The following CNTN4 variants were observed in gnomAD, a reference collection of about 807,000 sequenced individuals.
CNTN4 encodes contactin 4.
CNTN4 carries 77 observed loss-of-function variants against 122.5 expected under a neutral mutation model. The observed-to-expected ratio is 0.63, with a 90% CI of 0.52 to 0.76. The LOEUF (loss-of-function observed/expected upper bound fraction) is 0.76. Ranked by LOEUF, CNTN4 falls within the 30% of genes least tolerant of loss-of-function variation. CNTN4 has a pLI of 0.00. For missense variants in CNTN4, 1,256 were observed against 1,259.1 expected, an observed-to-expected ratio of 1.00 and a Z score of 0.04; for synonymous variants, 512 against 447.0, an observed-to-expected ratio of 1.15 and a Z score of -1.83.
At chr3:2,490,925 A>T (rs916917511) in intron 3 of CNTN4, among the ~76,000 whole-genome samples, 4 of 152,186 alleles carry the variant, frequency 2.6e-5, no homozygotes, top group Non-Finnish European at 5.9e-5. Context: ...GCTGTTATTC[A>T]GGCCTCCCAG....
chr3:2,238,735 G>GTTTTTTTTTTTTTTTTTTTTTTTTTT (rs66733341), intron 2 of CNTN4: 1 of 78,870 alleles, frequency 1.3e-5, no homozygotes. Context: ...TTGGCTCTGT[G>GTTTTTTTTTTTTTTTTTTTTTTTTTT]TTTTTTTTTT....
chr3:2,699,339 C>T (rs921666293), intron 4 of CNTN4, among the ~76,000 whole-genome samples: 45 of 152,234 alleles, frequency 3.0e-4, no homozygotes, highest in African/African-American at 8.9e-4. Context: ...GTTCTCCACT[C>T]GGTTCCTTCC....
intron 2 of CNTN4, among the ~76,000 whole-genome samples, chr3:2,185,996 A>T (rs1191845192): frequency 6.6e-6 from 1 of 152,016 alleles, no homozygotes; most frequent in East Asian, 1.9e-4. Flanking sequence ...TTTATTACAT[A>T]TGTATACATG....
intron 6 of CNTN4, among the ~76,000 whole-genome samples, chr3:2,749,454 G>A (rs1468900011): frequency 6.6e-6 from 1 of 150,980 alleles, no homozygotes; most frequent in Admixed American, 6.7e-5. Flanking sequence ...ATTACACTTT[G>A]CCCAGCTCAT....
intron 13 of CNTN4, among the ~76,000 whole-genome samples, chr3:2,956,190 G>T (rs2094797786): frequency 6.6e-6 from 1 of 152,068 alleles, no homozygotes; most frequent in Non-Finnish European, 1.5e-5. Context: ...GGACACAAAA[G>T]GACAAATATT....
At chr3:2,908,560 C>A (rs2094262841) in intron 12 of CNTN4, among the ~76,000 whole-genome samples, 1 of 152,136 alleles carries the variant, frequency 6.6e-6, no homozygotes, top group African/African-American at 2.4e-5. Context: ...AGGGAGATTT[C>A]TGGAACATAA....
chr3:2,524,562 T>C (rs535424665), intron 3 of CNTN4, among the ~76,000 whole-genome samples: 2 of 152,106 alleles, frequency 1.3e-5, no homozygotes, highest in African/African-American at 4.8e-5. Flanking sequence ...TGGATGTAAC[T>C]AAAGAGAATA....
intron 6 of CNTN4, among the ~76,000 whole-genome samples, chr3:2,803,997 T>G (rs1170361826): frequency 6.6e-6 from 1 of 151,832 alleles, no homozygotes; most frequent in Non-Finnish European, 1.5e-5. Context: ...AATTCCATTT[T>G]TATGAAGTAG....
chr3:2,819,505 A>G lies in CNTN4; in HGVS notation c.378A>G (p.Thr126=). The G allele has an allele frequency of 6.2e-7, 1 of 1,614,100 alleles. No individual in the cohort carries two copies. Among genetic ancestry groups the G allele is most frequent in the South Asian group, 1.1e-5 (1 of 91,080 alleles). The change falls in exon 7 of 25, where the codon ACA becomes ACG. Residue 126 remains threonine (T), a synonymous_variant. Transcript: ENST00000418658. ...CAACAGATCTTGACAACTTTAAAAC[A>G]AGAACAAGAAGCACTGTGTCTGTCC... is the stretch of plus-strand genomic sequence containing the variant. ...LQFAYLDNFK[T]RTRSTVSVRR...
chr3:2,245,975 C>G (rs1374596242), intron 2 of CNTN4, among the ~76,000 whole-genome samples: 1 of 151,978 alleles, frequency 6.6e-6, no homozygotes, highest in Non-Finnish European at 1.5e-5. Flanking sequence ...CATCTGTGTG[C>G]ACACATGCGT....
intron 2 of CNTN4, among the ~76,000 whole-genome samples, chr3:2,122,791 A>G (rs1559264037): frequency 6.6e-6 from 1 of 152,200 alleles, no homozygotes; most frequent in African/African-American, 2.4e-5. Flanking sequence ...TCATTTTACA[A>G]TCTGTCAACA....
intron 23 of CNTN4, among the ~76,000 whole-genome samples, chr3:3,046,965 G>A (rs1700727430): frequency 7.1e-6 from 1 of 141,364 alleles, no homozygotes; most frequent in Non-Finnish European, 1.6e-5. Flanking sequence ...AAAAAAGGCA[G>A]GGGTTGCAAT....
At chr3:2,460,055 C>G (rs919251235) in intron 3 of CNTN4, among the ~76,000 whole-genome samples, 1 of 152,066 alleles carries the variant, frequency 6.6e-6, no homozygotes, top group Non-Finnish European at 1.5e-5. Flanking sequence ...CCATCTATCT[C>G]TGGGCTGAGT....
intron 3 of CNTN4, among the ~76,000 whole-genome samples, chr3:2,414,146 G>T (rs551372498): frequency 1.3e-5 from 2 of 152,220 alleles, no homozygotes; most frequent in Admixed American, 6.5e-5. Context: ...GGATTTCAGG[G>T]TTTTCTAACA....
intron 13 of CNTN4, among the ~76,000 whole-genome samples, chr3:2,960,089 C>T (rs762253778): frequency 1.3e-5 from 2 of 152,084 alleles, no homozygotes; most frequent in South Asian, 2.1e-4. Flanking sequence ...ATTTTCTTAA[C>T]GTCTGTCACC....
chr3:2,306,114 T>A (rs2042696783), intron 2 of CNTN4, among the ~76,000 whole-genome samples: 1 of 152,194 alleles, frequency 6.6e-6, no homozygotes, highest in Non-Finnish European at 1.5e-5. Flanking sequence ...AGGTTTTGTG[T>A]GGAATATGCT....
intron 3 of CNTN4, among the ~76,000 whole-genome samples, chr3:2,523,722 T>A (rs1050078845): frequency 2.0e-5 from 3 of 152,042 alleles, no homozygotes; most frequent in Non-Finnish European, 4.4e-5. Flanking sequence ...TGTGCAAATA[T>A]CATGACAAGG....
chr3:2,809,795 T>G (rs2092561176), intron 6 of CNTN4, among the ~76,000 whole-genome samples: 1 of 152,190 alleles, frequency 6.6e-6, no homozygotes, highest in Non-Finnish European at 1.5e-5. Context: ...TAGATAGGTG[T>G]ACTTTTTTGT....
chr3:2,917,290 G>A (rs2094377353), intron 12 of CNTN4, among the ~76,000 whole-genome samples: 1 of 151,928 alleles, frequency 6.6e-6, no homozygotes, highest in Non-Finnish European at 1.5e-5. Flanking sequence ...ACCGTGGAAA[G>A]CGGGAGGCGG....
Sources: gnomAD v4.1 joint callset for allele counts (sites outside exome capture counted in the v4.1 genomes callset) on GRCh38, gnomAD v4.1.1 for gene constraint, MANE v1.5 for transcripts, NCBI Gene and HGNC (gene_info 2026-07-23, HGNC 2026-07-21) for gene names.